The following PCDHGA10 variants were observed in gnomAD, a reference collection of about 807,000 sequenced individuals.
PCDHGA10 encodes protocadherin gamma subfamily A, 10.
Under a neutral mutation model 59.5 loss-of-function variants are expected in PCDHGA10, and 42 were observed. That is an observed-to-expected ratio of 0.71 (90% CI 0.55 to 0.91). The LOEUF is 0.91. Ranked by LOEUF, PCDHGA10 falls within the 40% of genes least tolerant of loss-of-function variation. The pLI is 0.00. For synonymous variants in PCDHGA10, 511 were observed against 517.2 expected, an observed-to-expected ratio of 0.99 and a Z score of 0.16; for missense variants, 1,111 against 1,198.2, an observed-to-expected ratio of 0.93 and a Z score of 1.07.
At chr5:141,508,983 C>T (rs532410967) in intron 3 of PCDHGA10, among the ~76,000 whole-genome samples, 44 of 152,148 alleles carry the variant, frequency 2.9e-4, no homozygotes, top group Non-Finnish European at 4.4e-4. Flanking sequence ...GGGGTGGGGG[C>T]CAGCTGGGGT....
rs764313049 is a variant in PCDHGA10, at chr5:141,418,041, T to G, written c.2436+2430T>G. 36 of 1,613,976 alleles carry G rather than the reference T, an allele frequency of 2.2e-5. No homozygotes were observed. In the Admixed American group the frequency reaches 2.3e-4, roughly 10 times the overall value. On this transcript the variant is annotated intron_variant, in intron 1 of 3. Coordinates refer to ENST00000398610, the MANE Select transcript of PCDHGA10 (RefSeq NM_018913.3). Reference sequence around the variant, plus strand: ...GATCTAGGGCTTAGTGTCCTGGATGTGTCGGCTCGCGAGCTGCGAGTGAGC... The same window carrying G: ...GATCTAGGGCTTAGTGTCCTGGATGGGTCGGCTCGCGAGCTGCGAGTGAGC...
chr5:141,485,416 C>T lies in PCDHGA10; in HGVS notation c.2437-9391C>T, dbSNP rs1311879785. On this transcript the variant is annotated intron_variant, in intron 1 of 3. Coordinates refer to ENST00000398610, the MANE Select transcript of PCDHGA10 (RefSeq NM_018913.3). This position sits in a 1 kb window ranked among gnomAD's most constrained non-coding sequence, Gnocchi z 5.7. Reference sequence around the variant, plus strand: ...GACACTTCCGTGTGGATTTGGACAGCGGAGCCCTGCTCATCAAGAACCCAA... The same window carrying T: ...GACACTTCCGTGTGGATTTGGACAGTGGAGCCCTGCTCATCAAGAACCCAA... 10 of 1,613,988 alleles carry T rather than the reference C, an allele frequency of 6.2e-6. No individual in the cohort carries two copies. Among genetic ancestry groups the T allele is most frequent in the South Asian group, 4.4e-5 (4 of 91,086 alleles).
At chr5:141,505,579 G>A (rs1047837546) in intron 3 of PCDHGA10, 98 bp downstream of exon 3, 6 of 1,588,858 alleles carry the variant, frequency 3.8e-6, no homozygotes, top group Non-Finnish European at 4.3e-6. Flanking sequence ...TCAAACCTGT[G>A]TAGTTTCTCC....
In PCDHGA10 at chr5:141,487,218, C is replaced by G. The variant is rs2099641338; in HGVS notation, c.2437-7589C>G. The stretch of plus-strand genomic sequence containing the variant: ...CCAGATCTTCGAGAATCTTCAGCTC[C>G]AAGGGAAGGAGAATCTCGTCTAACC... On this transcript the variant is annotated intron_variant, in intron 1 of 3. Transcript: ENST00000398610. The surrounding 1 kb of genome is among the most constrained non-coding windows in gnomAD (Gnocchi z 5.0). 1 of 1,613,820 alleles carries G rather than the reference C, an allele frequency of 6.2e-7. No homozygotes were observed. The highest frequency in any genetic ancestry group is 1.1e-5 in the South Asian group (1 of 91,078).
intron 1 of PCDHGA10, chr5:141,475,850 G>C (rs2099376325): frequency 8.6e-6 from 4 of 464,524 alleles, no homozygotes; most frequent in Non-Finnish European, 1.5e-5. Flanking sequence ...AGAGAGCCCG[G>C]CGCTAGCTCA....
intron 1 of PCDHGA10, among the ~76,000 whole-genome samples, chr5:141,448,316 T>C (rs1042171540): frequency 6.6e-6 from 1 of 152,174 alleles, no homozygotes; most frequent in Non-Finnish European, 1.5e-5. Flanking sequence ...AGGAATCTTT[T>C]CTTTGAATCT....
chr5:141,481,317 C>T (rs2099535550), intron 1 of PCDHGA10, among the ~76,000 whole-genome samples: 1 of 152,182 alleles, frequency 6.6e-6, no homozygotes, highest in African/African-American at 2.4e-5. Context: ...CTTCCTAAAG[C>T]ACTAGCCCCT....
Position 141,493,034 on chromosome 5 carries a change from G to A in PCDHGA10, c.2437-1773G>A, listed in dbSNP as rs75211372. 6.6e-6 allele frequency among the ~76,000 whole-genome samples: 1 copy of A among 152,230 alleles called. No homozygotes were observed. Among genetic ancestry groups the A allele is most frequent in the African/African-American group, 2.4e-5 (1 of 41,458 alleles). On this transcript the variant is annotated intron_variant, in intron 1 of 3. Transcript: ENST00000398610. This position sits in a 1 kb window ranked among gnomAD's most constrained non-coding sequence, Gnocchi z 4.3. ...GCCAGATGCCAGGGTGCCCTTATGTGTGAGGAAACTACAATAGTAAAAAAC... is the reference window on the plus strand; with the variant it reads ...GCCAGATGCCAGGGTGCCCTTATGTATGAGGAAACTACAATAGTAAAAAAC...
intron 1 of PCDHGA10, among the ~76,000 whole-genome samples, chr5:141,445,180 GT>G (rs745433969): frequency 6.6e-6 from 1 of 152,148 alleles, no homozygotes; most frequent in Non-Finnish European, 1.5e-5. Flanking sequence ...GAAAAACTAT[GT>G]TTTTATGTAT....
rs922042985 is a variant in PCDHGA10, at chr5:141,415,768, T to G, written c.2436+157T>G. 1.6e-5 allele frequency: 22 copies of G among 1,345,224 alleles called. No homozygotes were observed. The African/African-American group carries it at 3.6e-4, about 22-fold the overall frequency. The allele number at this position is 1,345,224 out of a possible 1,614,324, so 83.3% of individuals were successfully genotyped here. ...TTTTTTTTTTTTTTTTTTTTTTTTT[T>G]TTTTACTTTCTGGTAAAATTCACCT... is the stretch of plus-strand genomic sequence containing the variant. On this transcript the variant is annotated intron_variant, in intron 1 of 3. Coordinates refer to ENST00000398610, the MANE Select transcript of PCDHGA10 (RefSeq NM_018913.3).
chr5:141,419,729 G>T (rs1436631336), intron 1 of PCDHGA10: 1 of 1,613,758 alleles, frequency 6.2e-7, no homozygotes, highest in Admixed American at 1.7e-5. Context: ...GCTGCGAACA[G>T]GCGAGGTGCG....
At chr5:141,430,715 A>T in intron 1 of PCDHGA10, 1 of 1,483,384 alleles carries the variant, frequency 6.7e-7, no homozygotes, top group Non-Finnish European at 8.9e-7. Context: ...TCCTGACTTC[A>T]GTGGTTAAGG....
chr5:141,457,471 C>T (rs1478580665), intron 1 of PCDHGA10, among the ~76,000 whole-genome samples: 1 of 152,182 alleles, frequency 6.6e-6, no homozygotes, highest in African/African-American at 2.4e-5. Context: ...CAGGAATAAG[C>T]AGGGCCAGGG....
intron 2 of PCDHGA10, among the ~76,000 whole-genome samples, chr5:141,496,703 GT>G (rs1360916053): frequency 6.6e-6 from 1 of 152,132 alleles, no homozygotes; most frequent in East Asian, 1.9e-4. Context: ...CTTCTCATAA[GT>G]TATCCATTAA....
chr5:141,451,809 A>C (rs1316571749), intron 1 of PCDHGA10, among the ~76,000 whole-genome samples: 1 of 150,308 alleles, frequency 6.7e-6, no homozygotes, highest in Non-Finnish European at 1.5e-5. Flanking sequence ...TGAACCCAGG[A>C]GGCGGAGGTT....
intron 1 of PCDHGA10, 82 bp from the exon 2 acceptor site, chr5:141,494,725 C>T: frequency 6.2e-7 from 1 of 1,610,026 alleles, no homozygotes; most frequent in Middle Eastern, 1.7e-4. Context: ...CCCTCCTTCT[C>T]TCCCGGCCCA....
chr5:141,460,027 G>A (rs1002703325), intron 1 of PCDHGA10, among the ~76,000 whole-genome samples: 3 of 152,088 alleles, frequency 2.0e-5, no homozygotes, highest in East Asian at 1.9e-4. Flanking sequence ...GCAGTGAGCC[G>A]AGACTGCACC....
chr5:141,423,092 A>T (rs2096708373), intron 1 of PCDHGA10: 5 of 1,613,952 alleles, frequency 3.1e-6, no homozygotes, highest in South Asian at 2.2e-5. Flanking sequence ...GCGGTGGGGG[A>T]GCACACGGGC....
Position 141,490,271 on chromosome 5 carries a change from A to G in PCDHGA10, c.2437-4536A>G, listed in dbSNP as rs750463186. 6.8e-6 allele frequency: 11 copies of G among 1,614,246 alleles called. No homozygotes were observed. Among genetic ancestry groups the G allele is most frequent in the Non-Finnish European group, 8.5e-6 (10 of 1,180,054 alleles). On this transcript the variant is annotated intron_variant, in intron 1 of 3. Coordinates refer to ENST00000398610, the MANE Select transcript of PCDHGA10 (RefSeq NM_018913.3). The surrounding 1 kb of genome is among the most constrained non-coding windows in gnomAD (Gnocchi z 5.4). The stretch of plus-strand genomic sequence containing the variant: ...ATTCAAGTGGATGTGGGGGATGTCA[A>G]TGACAATGCCCCAGAGGTGCTATTG...
Sources: gnomAD v4.1 joint callset for allele counts (sites outside exome capture counted in the v4.1 genomes callset) on GRCh38, gnomAD v4.1.1 for gene constraint, Gnocchi (gnomAD v3.1) non-coding constraint, MANE v1.5 for transcripts, NCBI Gene and HGNC (gene_info 2026-07-23, HGNC 2026-07-21) for gene names.